Variants in GNAO1 observed in about 807,000 individuals in gnomAD.
GNAO1 encodes G protein subunit alpha o1.
For missense variants in GNAO1, 166 were observed against 478.7 expected, an observed-to-expected ratio of 0.35 and a Z score of 6.10; for synonymous variants, 164 against 180.7, an observed-to-expected ratio of 0.91 and a Z score of 0.74.
intron 2 of GNAO1, among the ~76,000 whole-genome samples, chr16:56,205,283 CCT>C (rs2036316975): frequency 6.6e-6 from 1 of 152,178 alleles, no homozygotes; most frequent in African/African-American, 2.4e-5. Context: ...TCCTGGGGTC[CCT>C]CTCTGAATTC....
At chr16:56,317,496 GA>G (rs2037523807) in intron 3 of GNAO1, among the ~76,000 whole-genome samples, 1 of 152,218 alleles carries the variant, frequency 6.6e-6, no homozygotes, top group Non-Finnish European at 1.5e-5. Context: ...ATCAAGGAGA[GA>G]ATGAATGGGT....
At position 56,286,720 on chromosome 16, in the gene GNAO1, TG is replaced by T. The variant is rs1220671781; in HGVS notation, c.303+10649del. On this transcript the variant is annotated intron_variant, in intron 3 of 8. Coordinates refer to ENST00000262493, the MANE Select transcript of GNAO1 (RefSeq NM_020988.3). ...CTGTGTGTGTGTGTGTGTGTGTGTGTGTGTGTGTGTGTATGTGTGTATCTGT... is the reference window on the plus strand; with the variant it reads ...CTGTGTGTGTGTGTGTGTGTGTGTGTTGTGTGTGTGTATGTGTGTATCTGT... 5.3e-5 allele frequency among the ~76,000 whole-genome samples: 8 copies of T among 151,800 alleles called. No individual in the cohort carries two copies. The East Asian group carries it at 1.5e-3, about 29-fold the overall frequency.
At chr16:56,207,391 C>T (rs957888362) in intron 2 of GNAO1, among the ~76,000 whole-genome samples, 36 of 152,136 alleles carry the variant, frequency 2.4e-4, no homozygotes, top group African/African-American at 7.2e-4. Flanking sequence ...ATTGAAATTC[C>T]CTAAATGGTA....
At chr16:56,271,390 G>A (rs561154621) in intron 2 of GNAO1, among the ~76,000 whole-genome samples, 29 of 152,330 alleles carry the variant, frequency 1.9e-4, no homozygotes, top group Admixed American at 1.5e-3. Context: ...CAATTATTCT[G>A]CTTATCTTAT....
intron 3 of GNAO1, among the ~76,000 whole-genome samples, chr16:56,291,434 G>A (rs1199093213): frequency 6.6e-6 from 1 of 152,164 alleles, no homozygotes; most frequent in African/African-American, 2.4e-5. Context: ...TTCAGAATTA[G>A]CCCATCTCTA....
At chr16:56,233,383 T>G (rs900770669) in intron 2 of GNAO1, among the ~76,000 whole-genome samples, 1 of 152,234 alleles carries the variant, frequency 6.6e-6, no homozygotes, top group Non-Finnish European at 1.5e-5. Flanking sequence ...ATGGAAGGTC[T>G]TCTATGTATG....
chr16:56,261,186 C>T (rs535173650), intron 2 of GNAO1, among the ~76,000 whole-genome samples: 1 of 152,326 alleles, frequency 6.6e-6, no homozygotes, highest in Middle Eastern at 3.4e-3. Context: ...GCAGTCCTCT[C>T]AGAGGACATG....
chr16:56,293,403 G>A (rs374911469), intron 3 of GNAO1, among the ~76,000 whole-genome samples: 63 of 152,224 alleles, frequency 4.1e-4, no homozygotes, highest in African/African-American at 1.3e-3. Flanking sequence ...TTCATTTCTT[G>A]GTGGCTATGG....
chr16:56,208,461 A>G (rs201551736), intron 2 of GNAO1, among the ~76,000 whole-genome samples: 1,278 of 115,364 alleles, frequency 0.011, 21 homozygotes, highest in African/African-American at 0.039. Context: ...GCGCGCGCGC[A>G]CGTGTGTGTG....
intron 2 of GNAO1, among the ~76,000 whole-genome samples, chr16:56,271,358 G>C (rs1182798998): frequency 6.6e-6 from 1 of 152,236 alleles, no homozygotes; most frequent in Admixed American, 6.5e-5. Flanking sequence ...AGCACAGAGG[G>C]TAAACCCTCA....
At position 56,344,169 on chromosome 16, in the gene GNAO1, A is replaced by G. The variant is rs1015318343; in HGVS notation, c.724-7215A>G. 4.2e-6 allele frequency: 6 copies of G among 1,429,378 alleles called. No homozygotes were observed. In the African/African-American group the frequency reaches 8.6e-5, roughly 21 times the overall value. The allele number at this position is 1,429,378 out of a possible 1,614,324, so 88.5% of individuals were successfully genotyped here. ...GCGGGGCTGCTGAGTGCATGCTGCA[A>G]GGCCAGGAGACTCCACGCTCACAGC... is the stretch of plus-strand genomic sequence containing the variant. On this transcript the variant is annotated intron_variant, in intron 6 of 8. Transcript: ENST00000262493.
At chr16:56,306,583 C>A (rs978587597) in intron 3 of GNAO1, among the ~76,000 whole-genome samples, 1 of 152,206 alleles carries the variant, frequency 6.6e-6, no homozygotes, top group Non-Finnish European at 1.5e-5. Context: ...ACACACAGAC[C>A]AGCCTCCAGT....
chr16:56,349,971 A>G (rs2037905891), intron 6 of GNAO1, among the ~76,000 whole-genome samples: 1 of 152,192 alleles, frequency 6.6e-6, no homozygotes, highest in Non-Finnish European at 1.5e-5. Context: ...TAAGTTCTGG[A>G]TCTGGCCCAG....
At chr16:56,296,207 T>C (rs569320569) in intron 3 of GNAO1, among the ~76,000 whole-genome samples, 33 of 152,300 alleles carry the variant, frequency 2.2e-4, no homozygotes, top group African/African-American at 7.7e-4. Flanking sequence ...CTGATTCTGT[T>C]CCTGTTTTGT....
chr16:56,213,345 T>C (rs1418831767), intron 2 of GNAO1: 4 of 398,442 alleles, frequency 1.0e-5, no homozygotes, highest in African/African-American at 8.2e-5. Context: ...ACAAAATCTC[T>C]GCCCTCCTGG....
At chr16:56,293,946 C>T (rs1294089137) in intron 3 of GNAO1, among the ~76,000 whole-genome samples, 1 of 152,200 alleles carries the variant, frequency 6.6e-6, no homozygotes, top group Non-Finnish European at 1.5e-5. Context: ...GTACCTGGCA[C>T]ATATTTCATG....
intron 3 of GNAO1, among the ~76,000 whole-genome samples, chr16:56,278,965 G>A (rs2037089566): frequency 6.6e-6 from 1 of 152,116 alleles, no homozygotes; most frequent in Non-Finnish European, 1.5e-5. Flanking sequence ...TAGGGGATCT[G>A]CCATTTGGAT....
At chr16:56,256,712 C>CTGTGTG (rs1449657710) in intron 2 of GNAO1, among the ~76,000 whole-genome samples, 49 of 116,012 alleles carry the variant, frequency 4.2e-4, no homozygotes, top group African/African-American at 1.7e-3. Context: ...CTCTCTCTCT[C>CTGTGTG]TCTCTCTGTG....
At chr16:56,278,702 C>T (rs945368376) in intron 3 of GNAO1, among the ~76,000 whole-genome samples, 50 of 152,096 alleles carry the variant, frequency 3.3e-4, no homozygotes, top group Admixed American at 3.3e-3. Context: ...GCAAGGAAAA[C>T]AAAATAAGGT....
Sources: allele counts gnomAD v4.1 joint callset (sites outside exome capture counted in the v4.1 genomes callset), GRCh38; gene constraint gnomAD v4.1.1; transcripts MANE v1.5; gene names NCBI Gene and HGNC (gene_info 2026-07-23, HGNC 2026-07-21).